The following DNAH3 variants were observed in gnomAD, a reference collection of about 807,000 sequenced individuals.
The protein encoded by DNAH3 is dynein axonemal heavy chain 3.
A neutral mutation model predicts 432.5 loss-of-function variants in DNAH3; 332 were observed. The observed-to-expected ratio is 0.77, with a 90% confidence interval of 0.70 to 0.84. DNAH3 has a LOEUF of 0.84. Among genes scored for constraint, DNAH3 ranks in the 40% least tolerant of loss-of-function variants. The pLI, the probability that DNAH3 is intolerant of heterozygous loss-of-function variation, is 0.00. For missense variants in DNAH3, 4,861 were observed against 5,114.0 expected (o/e 0.95, Z 1.51); for synonymous variants, 1,956 against 1,900.2 (o/e 1.03, Z -0.76).
Position 21,049,900 on chromosome 16 carries a change from AT to A in DNAH3, c.4347+9del, listed in dbSNP as rs754155079. On this transcript the variant is annotated intron_variant, in intron 30 of 61. Coordinates refer to ENST00000261383, the Ensembl canonical transcript of DNAH3. ...GGAAGAGAGGGAGGGGATAGATGGC[AT>A]TTGCTTACCTGCTTAGCCAAGGCTT... is the stretch of plus-strand genomic sequence containing the variant. 13 of 1,609,044 alleles carry A rather than the reference AT, an allele frequency of 8.1e-6. No homozygotes were observed. In the Admixed American group the frequency reaches 1.5e-4, roughly 19 times the overall value.
In DNAH3 at chr16:20,958,560, C is replaced by T. The variant is rs141831201; in HGVS notation, c.10826+619G>A. ...TTTTCCAATACCTCTCTTTGCTTTTCCAAATGCTGTCTCTTCTGCCTAGAA... is the reference window on the plus strand; with the variant it reads ...TTTTCCAATACCTCTCTTTGCTTTTTCAAATGCTGTCTCTTCTGCCTAGAA... On this transcript the variant is annotated intron_variant, in intron 54 of 61. Transcript: ENST00000261383. 4.0e-3 allele frequency among the ~76,000 whole-genome samples: 609 copies of T among 152,226 alleles called. 2 individuals are homozygous for T. Among genetic ancestry groups the T allele is most frequent in the Middle Eastern group, 0.017 (5 of 294 alleles).
intron 9 of DNAH3, among the ~76,000 whole-genome samples, chr16:21,123,578 T>C (rs1227663514): frequency 6.6e-6 from 1 of 152,226 alleles, no homozygotes; most frequent in Non-Finnish European, 1.5e-5. Context: ...CACTGGTTTC[T>C]ATATTTTTGA....
intron 41 of DNAH3, among the ~76,000 whole-genome samples, chr16:21,004,627 C>T (rs1010658069): frequency 7.9e-5 from 12 of 152,132 alleles, no homozygotes; most frequent in African/African-American, 2.9e-4. Context: ...CTTGGCCTCC[C>T]GAAGTGCTAG....
At chr16:21,078,055 C>T (rs548658200) in intron 20 of DNAH3, among the ~76,000 whole-genome samples, 2 of 152,256 alleles carry the variant, frequency 1.3e-5, no homozygotes, top group African/African-American at 4.8e-5. Flanking sequence ...GCAGGTGAAT[C>T]ACCTGAGGTC....
At chr16:21,092,963 C>A (rs1196397820) in intron 18 of DNAH3, among the ~76,000 whole-genome samples, 1 of 152,078 alleles carries the variant, frequency 6.6e-6, no homozygotes, top group African/African-American at 2.4e-5. Flanking sequence ...AATCCCAACA[C>A]TTTGGGAGGC....
At chr16:21,079,815 T>C (rs1032811005) in intron 20 of DNAH3, among the ~76,000 whole-genome samples, 5 of 152,192 alleles carry the variant, frequency 3.3e-5, no homozygotes, top group African/African-American at 1.2e-4. Context: ...TTTGCGTCTC[T>C]AGGCCTGCTC....
At chr16:20,987,591 A>G in intron 46 of DNAH3, 102 bp downstream of exon 46, 1 of 1,536,040 alleles carries the variant, frequency 6.5e-7, no homozygotes, top group Non-Finnish European at 8.9e-7. Context: ...CCTAGCATAG[A>G]CTAAGTGCCT....
intron 5 of DNAH3, among the ~76,000 whole-genome samples, chr16:21,138,822 A>C (rs956098143): frequency 6.6e-6 from 1 of 151,444 alleles, no homozygotes; most frequent in African/African-American, 2.4e-5. Flanking sequence ...AAAAAAAAAA[A>C]ACAACACAGA....
chr16:21,104,587 G>T, intron 15 of DNAH3: 1 of 1,567,674 alleles, frequency 6.4e-7, no homozygotes, highest in Non-Finnish European at 8.8e-7. Flanking sequence ...TCAATTTGAT[G>T]TCCTCATCTG....
intron 50 of DNAH3, among the ~76,000 whole-genome samples, chr16:20,977,000 A>G (rs2085623592): frequency 6.6e-6 from 1 of 152,186 alleles, no homozygotes; most frequent in South Asian, 2.1e-4. Context: ...CATTCCTGCC[A>G]AGTAGTTTTC....
intron 28 of DNAH3, among the ~76,000 whole-genome samples, chr16:21,053,090 C>T (rs1374451209): frequency 6.6e-6 from 1 of 152,170 alleles, no homozygotes; most frequent in Admixed American, 6.5e-5. Flanking sequence ...CTATGGAGAT[C>T]TCAGAGCTAG....
At chr16:21,086,742 T>C (rs2091385780) in intron 19 of DNAH3, 107 bp downstream of exon 19, 2 of 1,005,248 alleles carry the variant, frequency 2.0e-6, no homozygotes, top group African/African-American at 3.2e-5. Context: ...TAGAGTCTCC[T>C]TTCGGAAAGG....
At chr16:20,964,200 A>G (rs3826156) in exon 53 of DNAH3, 133,354 of 1,613,920 alleles carry the variant, frequency 0.083, 6,188 homozygotes, top group East Asian at 0.17. Flanking sequence ...TGTTCTTGGC[A>G]CTTTCCACAA....
chr16:21,082,830 A>C (rs2091238983), intron 19 of DNAH3, among the ~76,000 whole-genome samples: 2 of 102,048 alleles, frequency 2.0e-5, no homozygotes, highest in Admixed American at 2.0e-4. Context: ...TCCATCTCAA[A>C]AAAAAAAAAA....
At chr16:21,113,230 G>C (rs914473288) in intron 12 of DNAH3, among the ~76,000 whole-genome samples, 2 of 152,130 alleles carry the variant, frequency 1.3e-5, no homozygotes, top group East Asian at 3.9e-4. Flanking sequence ...TTGTGGGAGG[G>C]ACCCAGGGGG....
At chr16:21,096,215 C>T (rs1043340335) in intron 18 of DNAH3, among the ~76,000 whole-genome samples, 1 of 151,560 alleles carries the variant, frequency 6.6e-6, no homozygotes, top group Non-Finnish European at 1.5e-5. Flanking sequence ...CTTACTGCAG[C>T]CTTGATCTCC....
intron 7 of DNAH3, among the ~76,000 whole-genome samples, chr16:21,130,596 C>G (rs147083996): frequency 6.6e-6 from 1 of 152,126 alleles, no homozygotes; most frequent in African/African-American, 2.4e-5. Flanking sequence ...TGAGCCACCA[C>G]GCCCAGGCTC....
intron 6 of DNAH3, among the ~76,000 whole-genome samples, chr16:21,135,144 G>A (rs553087003): frequency 6.6e-6 from 1 of 152,216 alleles, no homozygotes; most frequent in African/African-American, 2.4e-5. Flanking sequence ...TCACGGTGTG[G>A]AGCACTTAGA....
chr16:21,111,948 C>A (rs368581985), intron 13 of DNAH3, 45 bp downstream of exon 13: 3 of 1,558,916 alleles, frequency 1.9e-6, no homozygotes, highest in African/African-American at 1.4e-5. Flanking sequence ...GGATTGTCTG[C>A]AGCACATGTC....
Sources: allele counts gnomAD v4.1 joint callset (sites outside exome capture counted in the v4.1 genomes callset), GRCh38; gene constraint gnomAD v4.1.1; transcripts MANE v1.5; gene names NCBI Gene and HGNC (gene_info 2026-07-23, HGNC 2026-07-21).